The following JARID2 variants were observed in gnomAD, a reference collection of about 807,000 sequenced individuals.
JARID2 encodes protein Jumonji.
Under a neutral mutation model 125.6 loss-of-function variants are expected in JARID2, and 21 were observed. The observed-to-expected ratio is 0.17, with a 90% confidence interval of 0.12 to 0.24. The LOEUF is 0.24. Ranked by LOEUF, JARID2 falls within the 10% of genes least tolerant of loss-of-function variation. The pLI is 1.00. For synonymous variants in JARID2, 736 were observed against 661.6 expected (o/e 1.11, Z -1.73); for missense variants, 1,303 against 1,639.6 (o/e 0.79, Z 3.55).
chr6:15,346,715 G>A (rs1454761335), intron 1 of JARID2, among the ~76,000 whole-genome samples: 1 of 151,404 alleles, frequency 6.6e-6, no homozygotes, highest in Non-Finnish European at 1.5e-5. Context: ...TAGTGGTCAA[G>A]TTATTCCTAT....
chr6:15,344,390 G>T (rs994821709), intron 1 of JARID2, among the ~76,000 whole-genome samples: 1 of 151,616 alleles, frequency 6.6e-6, no homozygotes, highest in African/African-American at 2.4e-5. Context: ...TGTCAGACTC[G>T]GCTGATGTAA....
chr6:15,454,801 C>T (rs926865185), intron 4 of JARID2, among the ~76,000 whole-genome samples: 9 of 152,024 alleles, frequency 5.9e-5, no homozygotes, highest in African/African-American at 2.2e-4. Flanking sequence ...TAGATTTTGG[C>T]TGAAAGATTC....
At chr6:15,335,564 T>C (rs1282830405) in intron 1 of JARID2, among the ~76,000 whole-genome samples, 1 of 152,224 alleles carries the variant, frequency 6.6e-6, no homozygotes, top group African/African-American at 2.4e-5. Flanking sequence ...CATTCATTCT[T>C]TGTTCTCTTC....
intron 1 of JARID2, among the ~76,000 whole-genome samples, chr6:15,320,237 A>G (rs931118965): frequency 3.3e-5 from 5 of 152,236 alleles, no homozygotes; most frequent in African/African-American, 1.2e-4. Context: ...AATGTCCTCT[A>G]CAATTCCAGT....
intron 1 of JARID2, among the ~76,000 whole-genome samples, chr6:15,318,055 T>A (rs2127436154): frequency 6.6e-6 from 1 of 152,184 alleles, no homozygotes; most frequent in South Asian, 2.1e-4. Flanking sequence ...GCTGTGAGAA[T>A]AAGAGTGATT....
chr6:15,271,628 T>C (rs1184393498), intron 1 of JARID2, among the ~76,000 whole-genome samples: 1 of 151,384 alleles, frequency 6.6e-6, no homozygotes, highest in Non-Finnish European at 1.5e-5. Flanking sequence ...TGGGCAACAA[T>C]AGTGAGACCT....
chr6:15,456,367 A>G (rs768982806), intron 4 of JARID2, among the ~76,000 whole-genome samples: 1 of 152,254 alleles, frequency 6.6e-6, no homozygotes, highest in African/African-American at 2.4e-5. Context: ...GATGTCAAAT[A>G]CAAAAAAGGC....
intron 1 of JARID2, among the ~76,000 whole-genome samples, chr6:15,341,553 C>G (rs1431157785): frequency 1.3e-5 from 2 of 152,166 alleles, no homozygotes; most frequent in Non-Finnish European, 2.9e-5. Flanking sequence ...TCCCACACTT[C>G]ATTGACTGGA....
intron 1 of JARID2, among the ~76,000 whole-genome samples, chr6:15,342,801 T>C (rs570553158): frequency 3.5e-4 from 53 of 152,308 alleles, no homozygotes; most frequent in African/African-American, 1.3e-3. Context: ...ACCTCGTTAT[T>C]TTGTGTCGTT....
At chr6:15,351,967 T>C (rs1014943772) in intron 1 of JARID2, among the ~76,000 whole-genome samples, 6 of 152,186 alleles carry the variant, frequency 3.9e-5, no homozygotes, top group Admixed American at 1.3e-4. Context: ...ACTGTACATA[T>C]CCTTTTAAAA....
intron 1 of JARID2, among the ~76,000 whole-genome samples, chr6:15,316,092 G>A (rs1374695103): frequency 6.6e-6 from 1 of 152,000 alleles, no homozygotes; most frequent in African/African-American, 2.4e-5. Flanking sequence ...GGGGTCTGCT[G>A]GCTTGAAAAC....
chr6:15,268,069 A>G lies in JARID2; in HGVS notation c.45+21485A>G, dbSNP rs193213777. ...TACCTAATGTGCATGCCTGCTTCCTAGAAATTGTGATAGTGTGGTGACTCT... is the reference window on the plus strand; with the variant it reads ...TACCTAATGTGCATGCCTGCTTCCTGGAAATTGTGATAGTGTGGTGACTCT... On this transcript the variant is annotated intron_variant, in intron 1 of 17. Coordinates refer to ENST00000341776, the MANE Select transcript of JARID2 (RefSeq NM_004973.4). 1.5e-4 allele frequency among the ~76,000 whole-genome samples: 23 copies of G among 152,320 alleles called. No individual in the cohort carries two copies. The East Asian group carries it at 3.9e-3, about 26-fold the overall frequency.
intron 1 of JARID2, among the ~76,000 whole-genome samples, chr6:15,323,937 T>C (rs575285944): frequency 7.9e-4 from 119 of 151,152 alleles, no homozygotes; most frequent in African/African-American, 2.4e-3. Context: ...AATCCCAGCA[T>C]TTTGGGAGGC....
chr6:15,285,638 A>G (rs1441864543), intron 1 of JARID2, among the ~76,000 whole-genome samples: 1 of 152,254 alleles, frequency 6.6e-6, no homozygotes, highest in South Asian at 2.1e-4. Context: ...GTGGACTTTG[A>G]AATTGCTTTT....
intron 1 of JARID2, among the ~76,000 whole-genome samples, chr6:15,273,770 G>A (rs540096174): frequency 1.1e-4 from 17 of 152,156 alleles, no homozygotes; most frequent in African/African-American, 3.1e-4. Flanking sequence ...ACGATTTTTC[G>A]AAATGTTGTA....
At chr6:15,268,859 A>G (rs1266911255) in intron 1 of JARID2, among the ~76,000 whole-genome samples, 1 of 152,160 alleles carries the variant, frequency 6.6e-6, no homozygotes, top group East Asian at 1.9e-4. Context: ...ACAAAATAAA[A>G]ACTTCAGGAT....
chr6:15,479,970 G>A (rs1389124155), intron 5 of JARID2, among the ~76,000 whole-genome samples: 1 of 152,214 alleles, frequency 6.6e-6, no homozygotes, highest in Non-Finnish European at 1.5e-5. Context: ...TGGCTCCAGG[G>A]AGCAAGTGTG....
At chr6:15,358,509 G>A (rs556075499) in intron 1 of JARID2, among the ~76,000 whole-genome samples, 4 of 152,300 alleles carry the variant, frequency 2.6e-5, no homozygotes, top group Admixed American at 2.6e-4. Context: ...TTTCATCATT[G>A]AGTTGGGGCA....
At chr6:15,376,787 A>T (rs1213680899) in intron 2 of JARID2, among the ~76,000 whole-genome samples, 1 of 152,124 alleles carries the variant, frequency 6.6e-6, no homozygotes, top group African/African-American at 2.4e-5. Flanking sequence ...TATTTTGGGG[A>T]GCTACTTGGA....
Sources: allele counts gnomAD v4.1 joint callset (sites outside exome capture counted in the v4.1 genomes callset), GRCh38; gene constraint gnomAD v4.1.1; transcripts MANE v1.5; gene names NCBI Gene and HGNC (gene_info 2026-07-23, HGNC 2026-07-21).